RREB1: variants seen among roughly 807,000 people sequenced by gnomAD.
RREB1 encodes the protein ras-responsive element-binding protein 1.
A neutral mutation model predicts 117.8 loss-of-function variants in RREB1; 27 were observed. The ratio of observed to expected loss-of-function variants is 0.23; its 90% confidence interval spans 0.17 to 0.32. The LOEUF is 0.32. Ranked by LOEUF, RREB1 falls within the 10% of genes least tolerant of loss-of-function variation. The probability of loss-of-function intolerance (pLI) is 1.00; values close to 1 mark genes in which losing one functional copy is unlikely to be tolerated. For synonymous variants in RREB1, 1,298 were observed against 1,026.7 expected (o/e 1.26, Z -5.05); for missense variants, 2,577 against 2,378.2 (o/e 1.08, Z -1.74).
intron 1 of RREB1, among the ~76,000 whole-genome samples, chr6:7,111,033 T>G (rs1188324598): frequency 6.6e-6 from 1 of 152,170 alleles, no homozygotes; most frequent in Non-Finnish European, 1.5e-5. Flanking sequence ...ACCTTTTGAT[T>G]GAAGGGTCTT....
At chr6:7,246,161 A>G (rs186062161) in intron 11 of RREB1, among the ~76,000 whole-genome samples, 1 of 152,298 alleles carries the variant, frequency 6.6e-6, no homozygotes, top group Non-Finnish European at 1.5e-5. Context: ...GGGCAGTGGA[A>G]GCCAGGGGTT....
At chr6:7,141,376 C>T (rs1439847778) in intron 1 of RREB1, among the ~76,000 whole-genome samples, 1 of 152,212 alleles carries the variant, frequency 6.6e-6, no homozygotes, top group Non-Finnish European at 1.5e-5. Context: ...AACCGGAGCT[C>T]TTCAGAGATG....
intron 9 of RREB1, among the ~76,000 whole-genome samples, chr6:7,227,766 T>C (rs1161945380): frequency 1.3e-5 from 2 of 152,130 alleles, no homozygotes; most frequent in African/African-American, 2.4e-5. Flanking sequence ...AAGCACCTGC[T>C]AAAACTACTT....
At chr6:7,156,887 A>G (rs1384985639) in intron 1 of RREB1, among the ~76,000 whole-genome samples, 2 of 152,130 alleles carry the variant, frequency 1.3e-5, no homozygotes, top group African/African-American at 2.4e-5. Flanking sequence ...GCTCCTGTGT[A>G]CCCATTCTTG....
intron 6 of RREB1, among the ~76,000 whole-genome samples, chr6:7,205,082 C>A (rs1242645711): frequency 6.6e-6 from 1 of 152,162 alleles, no homozygotes; most frequent in Non-Finnish European, 1.5e-5. Flanking sequence ...ATGTCAGTGT[C>A]CTGGTCAAAT....
intron 1 of RREB1, among the ~76,000 whole-genome samples, chr6:7,135,751 A>G (rs115741192): frequency 1.3e-5 from 2 of 152,338 alleles, no homozygotes; most frequent in Non-Finnish European, 2.9e-5. Context: ...AACATTTAAC[A>G]TGATCTTTAT....
At chr6:7,226,399 C>T (rs1767588559) in intron 8 of RREB1, 68 bp from the exon 9 acceptor site, 11 of 1,205,280 alleles carry the variant, frequency 9.1e-6, no homozygotes, top group African/African-American at 1.5e-5. Flanking sequence ...AGAGTGGAAA[C>T]TCTGACTTAA....
intron 1 of RREB1, among the ~76,000 whole-genome samples, chr6:7,173,117 A>G (rs554254596): frequency 2.0e-5 from 3 of 152,172 alleles, no homozygotes; most frequent in Non-Finnish European, 2.9e-5. Flanking sequence ...GAGACTCTGC[A>G]CTGTGCCCAT....
chr6:7,142,644 A>T (rs1317650380), intron 1 of RREB1, among the ~76,000 whole-genome samples: 1 of 152,248 alleles, frequency 6.6e-6, no homozygotes, highest in African/African-American at 2.4e-5. Context: ...CTCTGCAGCC[A>T]TGTGATGGGC....
At chr6:7,153,729 G>A (rs1460291054) in intron 1 of RREB1, among the ~76,000 whole-genome samples, 1 of 152,178 alleles carries the variant, frequency 6.6e-6, no homozygotes, top group African/African-American at 2.4e-5. Flanking sequence ...ATGAAGTCAG[G>A]CTAAGCGAAG....
intron 1 of RREB1, among the ~76,000 whole-genome samples, chr6:7,141,104 G>A (rs1002551910): frequency 6.6e-6 from 1 of 152,206 alleles, no homozygotes; most frequent in South Asian, 2.1e-4. Flanking sequence ...GACTGCCCGC[G>A]TCAGGGCTCC....
At position 7,251,636 on chromosome 6, in the gene RREB1, C is replaced by T. The variant is rs1382834874; in HGVS notation, c.*2668C>T. Reference sequence around the variant, plus strand: ...GGGGAAGCTACGTAACAGTCGGATGCCAGTTTTGGAAGATTCACCATGCGT... The same window carrying T: ...GGGGAAGCTACGTAACAGTCGGATGTCAGTTTTGGAAGATTCACCATGCGT... On this transcript the variant is annotated 3_prime_UTR_variant, in exon 13 of 13. Coordinates refer to ENST00000379938, the MANE Select transcript of RREB1 (RefSeq NM_001003699.4). 6.6e-6 allele frequency: 1 copy of T among 151,978 alleles called. No individual in the cohort carries two copies. The highest frequency in any genetic ancestry group is 1.9e-4 in the East Asian group (1 of 5,192). The allele number at this position is 151,978 out of a possible 1,614,324, so 9.4% of individuals were successfully genotyped here.
chr6:7,164,229 G>A (rs1763813528), intron 1 of RREB1, among the ~76,000 whole-genome samples: 1 of 152,182 alleles, frequency 6.6e-6, no homozygotes, highest in South Asian at 2.1e-4. Flanking sequence ...GCTGGCTTCT[G>A]TTCCTCACCT....
At chr6:7,211,320 GTGGATGGATGGATGGACAGA>G (rs1365387140) in intron 7 of RREB1, among the ~76,000 whole-genome samples, 11 of 93,920 alleles carry the variant, frequency 1.2e-4, no homozygotes, top group African/African-American at 3.5e-4. Context: ...GGGAGGGTGG[GTGGATGGATGGATGGACAGA>G]TGGATGGATG....
chr6:7,248,226 C>T (rs2094012), intron 12 of RREB1, among the ~76,000 whole-genome samples: 3,476 of 152,346 alleles, frequency 0.023, 121 homozygotes, highest in African/African-American at 0.078. Context: ...GTCTGCACAT[C>T]TCCTGAGGCT....
chr6:7,226,827 C>T (rs1319939861), intron 9 of RREB1, among the ~76,000 whole-genome samples, 171 bp downstream of exon 9: 1 of 152,070 alleles, frequency 6.6e-6, no homozygotes, highest in Non-Finnish European at 1.5e-5. Context: ...TTCGGTCTCC[C>T]TTGGGTTGTT....
intron 6 of RREB1, among the ~76,000 whole-genome samples, chr6:7,192,585 C>T (rs868696275): frequency 6.6e-6 from 1 of 152,204 alleles, no homozygotes; most frequent in African/African-American, 2.4e-5. Context: ...GGTTGGCATA[C>T]AATAACTCAT....
intron 10 of RREB1, among the ~76,000 whole-genome samples, chr6:7,235,011 G>A (rs921499366): frequency 1.3e-5 from 2 of 152,250 alleles, no homozygotes; most frequent in African/African-American, 4.8e-5. Context: ...GGACACCACT[G>A]TGGATCAGAA....
At chr6:7,209,533 T>C (rs550866448) in intron 6 of RREB1, among the ~76,000 whole-genome samples, 2 of 152,094 alleles carry the variant, frequency 1.3e-5, no homozygotes, top group South Asian at 4.2e-4. Context: ...AACTAAATAA[T>C]GGTTGTCTGT....
Sources: allele counts gnomAD v4.1 joint callset (sites outside exome capture counted in the v4.1 genomes callset), GRCh38; gene constraint gnomAD v4.1.1; transcripts MANE v1.5; gene names NCBI Gene and HGNC (gene_info 2026-07-23, HGNC 2026-07-21).